Variants in PBK observed in about 807,000 individuals in gnomAD.
The protein encoded by PBK is lymphokine-activated killer T-cell-originated protein kinase.
Under a neutral mutation model 33.5 loss-of-function variants are expected in PBK, and 22 were observed. The observed-to-expected ratio is 0.66, with a 90% CI of 0.47 to 0.94. The LOEUF (loss-of-function observed/expected upper bound fraction) is 0.94. PBK is among the 40% of genes least tolerant of loss of function. The probability of loss-of-function intolerance (pLI) is 0.00; values close to 1 mark genes in which losing one functional copy is unlikely to be tolerated. For synonymous variants in PBK, 129 were observed against 123.8 expected, an observed-to-expected ratio of 1.04 and a Z score of -0.28; for missense variants, 376 against 383.4, an observed-to-expected ratio of 0.98 and a Z score of 0.16.
At chr8:27,827,799 T>C (rs1446269323) in intron 3 of PBK, among the ~76,000 whole-genome samples, 4 of 152,220 alleles carry the variant, frequency 2.6e-5, no homozygotes, top group African/African-American at 9.6e-5. Flanking sequence ...TCATGAAGAA[T>C]CTGGTTTAAT....
At chr8:27,831,074 G>A (rs1389565669) in intron 2 of PBK, among the ~76,000 whole-genome samples, 7 of 152,290 alleles carry the variant, frequency 4.6e-5, no homozygotes, top group Middle Eastern at 3.4e-3. Flanking sequence ...CTGACTTGTG[G>A]TTTATGTGTC....
chr8:27,810,872 T>C lies in PBK; in HGVS notation c.772+86A>G, dbSNP rs879248290. 270 of 875,334 alleles carry C rather than the reference T, an allele frequency of 3.1e-4. 2 individuals are homozygous for C. Among genetic ancestry groups the C allele is most frequent in the Middle Eastern group, 6.3e-4 (2 of 3,168 alleles). The allele number at this position is 875,334 out of a possible 1,614,324, so 54.2% of individuals were successfully genotyped here. A position where few individuals can be genotyped will look rare whatever the true frequency, so the allele number is the denominator to read the frequency against. ...GTGGTACCAAATCAGTCATCAGTAC[T>C]AATACATATCTTAGAAAGATAAAAT... On this transcript the variant is annotated intron_variant, in intron 7 of 7. Coordinates refer to ENST00000301905, the MANE Select transcript of PBK (RefSeq NM_018492.4).
At chr8:27,811,208 G>GT in intron 6 of PBK, 74 bp from the exon 7 acceptor site, 1 of 1,357,498 alleles carries the variant, frequency 7.4e-7, no homozygotes, top group Non-Finnish European at 1.0e-6. Flanking sequence ...AGGGAAACAG[G>GT]CGAACGATTT....
intron 6 of PBK, among the ~76,000 whole-genome samples, chr8:27,818,184 G>T (rs10503817): frequency 0.17 from 25,832 of 152,086 alleles, 2,861 homozygotes; most frequent in East Asian, 0.37. Flanking sequence ...CTTGGTTGTT[G>T]TAAGTCACTG....
intron 2 of PBK, among the ~76,000 whole-genome samples, chr8:27,829,911 G>A (rs1452387953): frequency 6.8e-6 from 1 of 147,484 alleles, no homozygotes; most frequent in Non-Finnish European, 1.5e-5. Flanking sequence ...CATACCATAA[G>A]ATGACAGGAG....
Position 27,822,240 on chromosome 8 carries a change from A to T in PBK, c.465+79T>A, listed in dbSNP as rs946284105. 7.5e-6 allele frequency: 8 copies of T among 1,061,006 alleles called. No individual in the cohort carries two copies. In the Admixed American group the frequency reaches 1.8e-4, roughly 24 times the overall value. The allele number at this position is 1,061,006 out of a possible 1,614,324, so 65.7% of individuals were successfully genotyped here. Reference sequence around the variant, plus strand: ...TAACAATATCCATCCACATTCAAAGATGTCCTGCAAAGTGATTATTTGTTC... The same window carrying T: ...TAACAATATCCATCCACATTCAAAGTTGTCCTGCAAAGTGATTATTTGTTC... On this transcript the variant is annotated intron_variant, in intron 5 of 7. Coordinates refer to ENST00000301905, the MANE Select transcript of PBK (RefSeq NM_018492.4).
At chr8:27,834,990 AT>A (rs60325341) in intron 1 of PBK, among the ~76,000 whole-genome samples, 4,122 of 152,036 alleles carry the variant, frequency 0.027, 172 homozygotes, top group African/African-American at 0.087. Flanking sequence ...ATATTTAAGA[AT>A]TTTTTTATTT....
intron 6 of PBK, among the ~76,000 whole-genome samples, chr8:27,815,581 A>G (rs1278115184): frequency 6.6e-6 from 1 of 152,234 alleles, no homozygotes; most frequent in African/African-American, 2.4e-5. Context: ...GCAATAAGGA[A>G]GGATACTTAC....
Position 27,822,438 on chromosome 8 carries a change from C to A in PBK, c.346G>T (p.Glu116Ter), listed in dbSNP as rs773544696. 6.2e-7 allele frequency: 1 copy of A among 1,612,208 alleles called. No individual in the cohort carries two copies. Among genetic ancestry groups the A allele is most frequent in the Non-Finnish European group, 8.5e-7 (1 of 1,178,608 alleles). ...TTTAGAGACTTTTCACCTCCATATT[C>A]CATAGCAAGACACAGACTGCCATCA... ...ANDGSLCLAMEYGGEKSLNDL... is the reference protein window; with the variant it reads ...ANDGSLCLAM Residue 116 changes from glutamate to a stop codon, truncating the protein, a stop_gained, in exon 5 of 8, where the codon GAA becomes TAA. Transcript: ENST00000301905. LOFTEE classifies it high-confidence loss of function.
At chr8:27,830,294 A>G (rs35921602) in intron 2 of PBK, among the ~76,000 whole-genome samples, 38,777 of 149,376 alleles carry the variant, frequency 0.26, 6,041 homozygotes, top group Middle Eastern at 0.36. Context: ...CAATGATACA[A>G]AGGAAAATCT....
chr8:27,822,244 C>T lies in PBK; in HGVS notation c.465+75G>A, dbSNP rs182671594. 264 of 1,112,996 alleles carry T rather than the reference C, an allele frequency of 2.4e-4. 1 individual carries two copies. The highest frequency in any genetic ancestry group is 6.5e-4 in the Admixed American group (27 of 41,340). 68.9% of individuals were successfully genotyped at this position (1,112,996 alleles called of 1,614,324 possible). ...AATATCCATCCACATTCAAAGATGT[C>T]CTGCAAAGTGATTATTTGTTCATTT... On this transcript the variant is annotated intron_variant, in intron 5 of 7. Coordinates refer to ENST00000301905, the MANE Select transcript of PBK (RefSeq NM_018492.4).
chr8:27,819,598 C>T (rs150782577), intron 6 of PBK, among the ~76,000 whole-genome samples: 35 of 151,938 alleles, frequency 2.3e-4, no homozygotes, highest in African/African-American at 6.3e-4. Context: ...TTTTATAATT[C>T]GAAGTTTTTT....
intron 2 of PBK, among the ~76,000 whole-genome samples, chr8:27,832,801 C>A (rs745629739): frequency 3.7e-4 from 56 of 152,256 alleles, no homozygotes; most frequent in Admixed American, 2.7e-3. Flanking sequence ...AAAGCAGTTC[C>A]TTAATGGGTC....
In PBK at chr8:27,822,429, C is replaced by T; in HGVS notation, c.355G>A (p.Gly119Ser). Residue 119 changes from glycine to serine, a missense_variant, in exon 5 of 8, where the codon GGT (glycine) becomes AGT (serine). By Grantham distance (56) the Gly-to-Ser change is moderately conservative. Transcript: ENST00000301905. Reference sequence around the variant, plus strand: ...ATTAAGTCATTTAGAGACTTTTCACCTCCATATTCCATAGCAAGACACAGA... The same window carrying T: ...ATTAAGTCATTTAGAGACTTTTCACTTCCATATTCCATAGCAAGACACAGA... ...GSLCLAMEYG[G>S]EKSLNDLIEE... 6.2e-7 allele frequency: 1 copy of T among 1,611,718 alleles called. No individual in the cohort carries two copies.
intron 3 of PBK, among the ~76,000 whole-genome samples, chr8:27,824,296 A>G (rs995861903): frequency 1.3e-5 from 2 of 152,170 alleles, no homozygotes; most frequent in Non-Finnish European, 2.9e-5. Flanking sequence ...TTAGTAAACA[A>G]GTCAATCTTC....
At chr8:27,835,896 C>T (rs2128966407) in intron 1 of PBK, among the ~76,000 whole-genome samples, 1 of 151,412 alleles carries the variant, frequency 6.6e-6, no homozygotes. Flanking sequence ...TTCATTCACT[C>T]AGTCAATATG....
chr8:27,820,690 A>G lies in PBK; in HGVS notation c.470T>C (p.Leu157Pro). 1.3e-6 allele frequency: 2 copies of G among 1,540,668 alleles called. No individual in the cohort carries two copies. Among genetic ancestry groups the G allele is most frequent in the Non-Finnish European group, 1.8e-6 (2 of 1,131,876 alleles). ...ATGAAGCAGTTTCTTTTCTTGGTGC[A>G]GATACTAAAATAGTAAAAAATTTAA... ...ALNMARGLKY[L>P]HQEKKLLHGD... The change falls in exon 6 of 8, where the codon CTG becomes CCG. Residue 157 changes from leucine (L) to proline (P), a missense_variant. Physicochemically the swap from Leu to Pro is moderately conservative, Grantham distance 98. Coordinates refer to ENST00000301905, the MANE Select transcript of PBK (RefSeq NM_018492.4).
At chr8:27,820,306 C>CAGTT (rs992448714) in intron 6 of PBK, among the ~76,000 whole-genome samples, 2 of 152,148 alleles carry the variant, frequency 1.3e-5, no homozygotes, top group African/African-American at 4.8e-5. Flanking sequence ...GATCCCAATC[C>CAGTT]AGTTAGAAAT....
At chr8:27,822,713 AAATAT>A (rs1805953967) in intron 4 of PBK, among the ~76,000 whole-genome samples, 1 of 152,114 alleles carries the variant, frequency 6.6e-6, no homozygotes, top group Admixed American at 6.5e-5. Flanking sequence ...TTGCTTCCCT[AAATAT>A]AATAGTTTCA....
Sources: allele counts gnomAD v4.1 joint callset (sites outside exome capture counted in the v4.1 genomes callset), GRCh38; gene constraint gnomAD v4.1.1; transcripts MANE v1.5; gene names NCBI Gene and HGNC (gene_info 2026-07-23, HGNC 2026-07-21).